CSMD1: variants seen among roughly 807,000 people sequenced by gnomAD.
CSMD1 encodes the protein CUB and Sushi multiple domains 1, also known as CUB and sushi domain-containing protein 1.
In CSMD1, 213 loss-of-function variants were observed where a neutral mutation model predicts 417.5. That is an observed-to-expected ratio of 0.51 (90% CI 0.46 to 0.57). The LOEUF (loss-of-function observed/expected upper bound fraction) is 0.57, where lower values mean the gene tolerates loss of function less well. Ranked by LOEUF, CSMD1 falls within the 20% of genes least tolerant of loss-of-function variation. The pLI is 0.00. For synonymous variants in CSMD1, 2,862 were observed against 1,736.8 expected (o/e 1.65, Z -16.11); for missense variants, 6,923 against 4,529.7 (o/e 1.53, Z -15.17).
At chr8:4,838,391 G>T (rs574125433) in intron 1 of CSMD1, among the ~76,000 whole-genome samples, 1 of 152,132 alleles carries the variant, frequency 6.6e-6, no homozygotes, top group South Asian at 2.1e-4. Context: ...ATAAATAGAA[G>T]ATTGCAACCT....
At chr8:3,129,145 G>T (rs1334135645) in intron 41 of CSMD1, among the ~76,000 whole-genome samples, 1 of 152,156 alleles carries the variant, frequency 6.6e-6, no homozygotes, top group African/African-American at 2.4e-5. Context: ...CTTTGCCAGG[G>T]TTCTCTCCTA....
At position 3,616,615 on chromosome 8, in the gene CSMD1, C is replaced by A. The variant is rs117469115; in HGVS notation, c.1097+95G>T. The A allele has an allele frequency of 3.3e-3, 2,556 of 782,086 alleles. 89 individuals carry two copies. The East Asian group carries it at 0.064, about 19-fold the overall frequency. 48.4% of individuals were successfully genotyped at this position (782,086 alleles called of 1,614,324 possible). On this transcript the variant is annotated intron_variant, in intron 8 of 69. Coordinates refer to ENST00000635120, the MANE Select transcript of CSMD1 (RefSeq NM_033225.6). Reference sequence around the variant, plus strand: ...AATGATTAAGAAGTTTTATCTTTACCTCAAAAGAACAAAAGAGTTAAATTT... The same window carrying A: ...AATGATTAAGAAGTTTTATCTTTACATCAAAAGAACAAAAGAGTTAAATTT...
At chr8:4,979,140 G>C (rs1455394693) in intron 1 of CSMD1, among the ~76,000 whole-genome samples, 2 of 152,074 alleles carry the variant, frequency 1.3e-5, no homozygotes, top group Non-Finnish European at 2.9e-5. Flanking sequence ...GTCTCTAATT[G>C]TATTCAAGCT....
At chr8:4,933,420 T>C (rs1348348080) in intron 1 of CSMD1, among the ~76,000 whole-genome samples, 1 of 152,222 alleles carries the variant, frequency 6.6e-6, no homozygotes, top group African/African-American at 2.4e-5. Context: ...AGTCATATTT[T>C]GGGTCTTTGT....
chr8:4,175,697 G>A (rs755391993), intron 3 of CSMD1, among the ~76,000 whole-genome samples: 2 of 152,146 alleles, frequency 1.3e-5, no homozygotes, highest in African/African-American at 4.8e-5. Flanking sequence ...TGTCCTCACA[G>A]AAGGGAGAAT....
chr8:3,482,272 G>A (rs1265984044), intron 11 of CSMD1, among the ~76,000 whole-genome samples: 1 of 151,892 alleles, frequency 6.6e-6, no homozygotes, highest in Non-Finnish European at 1.5e-5. Flanking sequence ...AAATAATGAG[G>A]CTTAAAATAT....
intron 1 of CSMD1, among the ~76,000 whole-genome samples, chr8:4,741,981 G>C (rs1249104386): frequency 1.7e-5 from 2 of 118,512 alleles, no homozygotes; most frequent in South Asian, 2.9e-4. Flanking sequence ...CTATAGGTCC[G>C]CACGCACCAC....
chr8:3,706,785 A>C (rs557695686), intron 7 of CSMD1, among the ~76,000 whole-genome samples: 1 of 151,842 alleles, frequency 6.6e-6, no homozygotes, highest in Non-Finnish European at 1.5e-5. Context: ...TACTGTAAAT[A>C]CTATATCTCC....
chr8:3,822,009 G>C (rs1291362930), intron 5 of CSMD1, among the ~76,000 whole-genome samples: 1 of 152,076 alleles, frequency 6.6e-6, no homozygotes, highest in Non-Finnish European at 1.5e-5. Flanking sequence ...TACAACTTCT[G>C]CATCACAGTT....
intron 20 of CSMD1, among the ~76,000 whole-genome samples, chr8:3,359,599 G>T (rs1488767052): frequency 6.6e-6 from 1 of 151,236 alleles, no homozygotes; most frequent in African/African-American, 2.4e-5. Context: ...CTGGGAAGGG[G>T]GTGTATGGAG....
At chr8:4,107,303 G>T (rs750995936) in intron 3 of CSMD1, among the ~76,000 whole-genome samples, 1 of 152,168 alleles carries the variant, frequency 6.6e-6, no homozygotes, top group Non-Finnish European at 1.5e-5. Flanking sequence ...GCCTCATTTA[G>T]AACTTCCTGA....
At chr8:4,975,658 G>C (rs933024801) in intron 1 of CSMD1, among the ~76,000 whole-genome samples, 1 of 152,162 alleles carries the variant, frequency 6.6e-6, no homozygotes, top group Non-Finnish European at 1.5e-5. Flanking sequence ...TCTGAAGTGA[G>C]GTAACGGTAA....
chr8:4,181,356 T>G (rs1798360920), intron 3 of CSMD1, among the ~76,000 whole-genome samples: 1 of 138,250 alleles, frequency 7.2e-6, no homozygotes, highest in African/African-American at 2.9e-5. Context: ...CGGTTTCTCA[T>G]TTATTTATTT....
intron 5 of CSMD1, among the ~76,000 whole-genome samples, chr8:3,939,840 T>A (rs989197277): frequency 1.3e-5 from 2 of 152,072 alleles, no homozygotes; most frequent in Non-Finnish European, 1.5e-5. Context: ...AATAATAATA[T>A]AATGGACATT....
At chr8:3,573,019 A>T (rs1800006128) in intron 10 of CSMD1, among the ~76,000 whole-genome samples, 1 of 124,204 alleles carries the variant, frequency 8.1e-6, no homozygotes, top group African/African-American at 3.7e-5. Flanking sequence ...TTTTAATTCA[A>T]ATTGAAATAA....
At chr8:4,413,557 T>TA (rs1227143878) in intron 3 of CSMD1, among the ~76,000 whole-genome samples, 2 of 152,174 alleles carry the variant, frequency 1.3e-5, no homozygotes, top group East Asian at 3.8e-4. Context: ...CTAATTCTTT[T>TA]AAAAAATTAT....
At chr8:3,379,936 G>T (rs535985195) in intron 18 of CSMD1, among the ~76,000 whole-genome samples, 1 of 152,058 alleles carries the variant, frequency 6.6e-6, no homozygotes, top group Non-Finnish European at 1.5e-5. Flanking sequence ...GCAAAAGAAA[G>T]TACCTCAGAG....
At chr8:3,826,909 C>T (rs1333827429) in intron 5 of CSMD1, among the ~76,000 whole-genome samples, 1 of 152,114 alleles carries the variant, frequency 6.6e-6, no homozygotes, top group Non-Finnish European at 1.5e-5. Flanking sequence ...ACCTCAGCCT[C>T]TTGAGTAGCT....
chr8:3,131,664 G>C (rs1186876717), intron 41 of CSMD1, among the ~76,000 whole-genome samples: 1 of 151,918 alleles, frequency 6.6e-6, no homozygotes. Context: ...TAGAGACGGG[G>C]TTTTGCCATG....
Sources: allele counts gnomAD v4.1 joint callset (sites outside exome capture counted in the v4.1 genomes callset), GRCh38; gene constraint gnomAD v4.1.1; transcripts MANE v1.5; gene names NCBI Gene and HGNC (gene_info 2026-07-23, HGNC 2026-07-21).